The following TMEM87B variants were observed in gnomAD, a reference collection of about 807,000 sequenced individuals.
TMEM87B encodes the protein transmembrane protein 87B.
TMEM87B carries 83 observed loss-of-function variants against 80.3 expected under a neutral mutation model. That is an observed-to-expected ratio of 1.03 (90% CI 0.87 to 1.24). The LOEUF (loss-of-function observed/expected upper bound fraction) is 1.24, where lower values mean the gene tolerates loss of function less well. Ranked by LOEUF, TMEM87B falls within the 50% of genes most tolerant of loss-of-function variation. TMEM87B has a pLI of 0.00. For synonymous variants in TMEM87B, 219 were observed against 230.5 expected, an observed-to-expected ratio of 0.95 and a Z score of 0.45; for missense variants, 625 against 674.4, an observed-to-expected ratio of 0.93 and a Z score of 0.81.
chr2:112,083,168 A>G (rs1679050925), intron 8 of TMEM87B, among the ~76,000 whole-genome samples: 1 of 152,192 alleles, frequency 6.6e-6, no homozygotes, highest in African/African-American at 2.4e-5. Flanking sequence ...TGTCAGACTA[A>G]TTTTTTTGTT....
chr2:112,096,800 TC>T (rs763144768), intron 11 of TMEM87B, among the ~76,000 whole-genome samples: 7 of 152,248 alleles, frequency 4.6e-5, no homozygotes, highest in Non-Finnish European at 8.8e-5. Flanking sequence ...TCATGGGTCT[TC>T]CGTGTTTTTT....
intron 18 of TMEM87B, among the ~76,000 whole-genome samples, chr2:112,113,537 G>T (rs544064395): frequency 6.6e-6 from 1 of 152,326 alleles, no homozygotes; most frequent in South Asian, 2.1e-4. Flanking sequence ...AAATGATTTT[G>T]GCATCAGTCT....
rs200652651 is a variant in TMEM87B at position 112,065,664 on chromosome 2, A to AG, written c.319-1272_319-1271insG. 9.4e-4 allele frequency among the ~76,000 whole-genome samples: 141 copies of AG among 149,940 alleles called. 4 individuals carry two copies. In the East Asian group the frequency reaches 0.01, roughly 11 times the overall value. On this transcript the variant is annotated intron_variant, in intron 3 of 18. Transcript: ENST00000283206. ...TCTTCAAAAAAAAAAAAAAAAAAAA[A>AG]AAGTTCACCAGTGTCCCAATATTGT...
chr2:112,076,850 G>GTGTC (rs1157364338), intron 5 of TMEM87B, among the ~76,000 whole-genome samples: 1 of 21,596 alleles, frequency 4.6e-5, no homozygotes, highest in Non-Finnish European at 9.4e-5. Flanking sequence ...TTTTGTGTGT[G>GTGTC]TGTGTGTGTG....
intron 3 of TMEM87B, among the ~76,000 whole-genome samples, chr2:112,066,505 C>T (rs764067917): frequency 6.6e-6 from 1 of 152,162 alleles, no homozygotes; most frequent in African/African-American, 2.4e-5. Flanking sequence ...AAATGAGCGT[C>T]TCCTCTGCAC....
chr2:112,097,982 C>CT (rs939737090), intron 13 of TMEM87B, among the ~76,000 whole-genome samples: 3,880 of 139,070 alleles, frequency 0.028, 65 homozygotes, highest in African/African-American at 0.063. Context: ...GCGATGTTTT[C>CT]TTTTTTTTTT....
In TMEM87B at chr2:112,117,575, A is replaced by G. The variant is rs1290607307; in HGVS notation, c.*1432A>G. On this transcript the variant is annotated 3_prime_UTR_variant, in exon 19 of 19. Transcript: ENST00000283206. ...GGTAAATGTGTTTTCAGTCGTGACC[A>G]TGTGGAAAGTGAACAGTGTTGGCAA... 2 of 152,134 alleles carry G rather than the reference A, an allele frequency of 1.3e-5. No homozygotes were observed. Among genetic ancestry groups the G allele is most frequent in the African/African-American group, 4.8e-5 (2 of 41,426 alleles). 9.4% of individuals were successfully genotyped at this position (152,134 alleles called of 1,614,324 possible).
chr2:112,070,001 C>T lies in TMEM87B; in HGVS notation c.450+2934C>T, dbSNP rs563608414. On this transcript the variant is annotated intron_variant, in intron 4 of 18. Coordinates refer to ENST00000283206, the MANE Select transcript of TMEM87B (RefSeq NM_032824.3). ...GAAAAATGTCTAGTCATGTCCTTTG[C>T]CCTCTTTTTAATTTTTTTTTGTTTT... 1.6e-3 allele frequency among the ~76,000 whole-genome samples: 238 copies of T among 152,092 alleles called. 2 individuals are homozygous for T. Among genetic ancestry groups the T allele is most frequent in the African/African-American group, 5.5e-3 (228 of 41,478 alleles).
rs70962984 is a variant in TMEM87B at position 112,099,555 on chromosome 2, T to TAC, written c.1376+868_1376+869dup. ...ATATATATATATATATATATATATATACACACACACACGCATATACATACA... is the reference window on the plus strand; with the variant it reads ...ATATATATATATATATATATATATATACACACACACACACGCATATACATACA... On this transcript the variant is annotated intron_variant, in intron 14 of 18. Coordinates refer to ENST00000283206, the MANE Select transcript of TMEM87B (RefSeq NM_032824.3). Among the ~76,000 whole-genome samples the TAC allele has an allele frequency of 2.4e-3, 178 of 73,526 alleles. 1 individual carries two copies. Among genetic ancestry groups the TAC allele is most frequent in the African/African-American group, 4.1e-3 (82 of 20,042 alleles). The allele number at this position is 73,526 out of a possible 152,430, so 48.2% of individuals were successfully genotyped here.
At chr2:112,085,977 T>C (rs761723138) in intron 8 of TMEM87B, 28 bp from the exon 9 acceptor site, 1 of 1,597,504 alleles carries the variant, frequency 6.3e-7, no homozygotes, top group Non-Finnish European at 8.6e-7. Context: ...GTAGACAAAG[T>C]GAATTATTTT....
rs58915486 is a variant in TMEM87B at position 112,064,936 on chromosome 2, A to G, written c.318+683A>G. 2.5e-3 allele frequency among the ~76,000 whole-genome samples: 379 copies of G among 152,218 alleles called. 2 individuals are homozygous for G. Among genetic ancestry groups the G allele is most frequent in the African/African-American group, 8.1e-3 (335 of 41,524 alleles). The stretch of plus-strand genomic sequence containing the variant: ...TATGTATATATCTATACATATACAT[A>G]TATGTGTACATATACCTATACATGT... On this transcript the variant is annotated intron_variant, in intron 3 of 18. Coordinates refer to ENST00000283206, the MANE Select transcript of TMEM87B (RefSeq NM_032824.3).
intron 8 of TMEM87B, 96 bp from the exon 9 acceptor site, chr2:112,085,909 C>A: frequency 1.1e-6 from 1 of 919,518 alleles, no homozygotes; most frequent in Non-Finnish European, 1.6e-6. Flanking sequence ...GTCTGAAGTT[C>A]GAATGTAGTT....
chr2:112,063,516 G>T lies in TMEM87B; in HGVS notation c.227-646G>T, dbSNP rs931450809. 2.0e-5 allele frequency among the ~76,000 whole-genome samples: 3 copies of T among 152,068 alleles called. No individual in the cohort carries two copies. The East Asian group carries it at 5.8e-4, about 29-fold the overall frequency. ...TCTAAGCATAGCAGACTATTTTCAG[G>T]GGTCATACTCATGCTGTGCTTTCAC... On this transcript the variant is annotated intron_variant, in intron 2 of 18. Transcript: ENST00000283206.
chr2:112,115,651 A>T (rs1239882955), intron 18 of TMEM87B, among the ~76,000 whole-genome samples: 1 of 152,230 alleles, frequency 6.6e-6, no homozygotes, highest in Non-Finnish European at 1.5e-5. Context: ...GCTAGGCCTA[A>T]GAAATCCATT....
intron 17 of TMEM87B, 85 bp from the exon 18 acceptor site, chr2:112,112,814 A>G (rs1216148372): frequency 7.8e-7 from 1 of 1,280,114 alleles, no homozygotes; most frequent in African/African-American, 1.5e-5. Context: ...TTAGTGGGCC[A>G]TGGCATGTGC....
chr2:112,102,377 C>G (rs866594296), intron 15 of TMEM87B, among the ~76,000 whole-genome samples: 1 of 152,130 alleles, frequency 6.6e-6, no homozygotes, highest in Non-Finnish European at 1.5e-5. Context: ...GAAAATCACT[C>G]AGTATAATTC....
intron 4 of TMEM87B, among the ~76,000 whole-genome samples, chr2:112,071,186 A>G (rs1678618186): frequency 6.6e-6 from 1 of 151,798 alleles, no homozygotes; most frequent in South Asian, 2.1e-4. Flanking sequence ...GTGTTTTGTA[A>G]TTCTCATTGT....
At position 112,091,775 on chromosome 2, in the gene TMEM87B, G is replaced by A. The variant is rs370938750; in HGVS notation, c.1096G>A (p.Val366Met). ...TTTAGCAGTTATTGACTCCATTTTTGTGTGGTTCATATCCTTTACTGTGTC... is the reference window on the plus strand; with the variant it reads ...TTTAGCAGTTATTGACTCCATTTTTATGTGGTTCATATCCTTTACTGTGTC... ...IILAVIDSIFVWFIFISLAQT... is the reference protein window; with the variant it reads ...IILAVIDSIFMWFIFISLAQT... Residue 366 changes from valine to methionine, a missense_variant, in exon 11 of 19, where the codon GTG (valine) becomes ATG (methionine). Physicochemically the swap from Val to Met is conservative, Grantham distance 21. Coordinates refer to ENST00000283206, the MANE Select transcript of TMEM87B (RefSeq NM_032824.3). 2 of 1,610,666 alleles carry A rather than the reference G, an allele frequency of 1.2e-6. No homozygotes were observed. Among genetic ancestry groups the A allele is most frequent in the East Asian group, 2.2e-5 (1 of 44,776 alleles).
chr2:112,059,911 G>C (rs1442132363), intron 1 of TMEM87B, 66 bp from the exon 2 acceptor site: 1 of 1,554,736 alleles, frequency 6.4e-7, no homozygotes, highest in Non-Finnish European at 8.7e-7. Flanking sequence ...TCTATATGTT[G>C]TGGGGTAAAA....
Sources: allele counts gnomAD v4.1 joint callset (sites outside exome capture counted in the v4.1 genomes callset), GRCh38; gene constraint gnomAD v4.1.1; transcripts MANE v1.5; gene names NCBI Gene and HGNC (gene_info 2026-07-23, HGNC 2026-07-21).